Variants in DAAM2 observed in about 807,000 individuals in gnomAD.
DAAM2 encodes the protein disheveled-associated activator of morphogenesis 2.
DAAM2 carries 39 observed loss-of-function variants against 120.7 expected under a neutral mutation model. That is an observed-to-expected ratio of 0.32 (90% CI 0.25 to 0.42). DAAM2 has a LOEUF of 0.42. DAAM2 is among the 10% of genes least tolerant of loss of function. DAAM2 has a pLI of 1.00. For synonymous variants in DAAM2, 488 were observed against 524.9 expected (o/e 0.93, Z 0.96); for missense variants, 1,283 against 1,401.7 (o/e 0.92, Z 1.35).
chr6:39,865,113 T>G, intron 5 of DAAM2, 39 bp downstream of exon 5: 4 of 1,249,342 alleles, frequency 3.2e-6, no homozygotes, highest in Non-Finnish European at 4.6e-6. Context: ...GCTGAGTCCC[T>G]TCACAGTTGG....
At chr6:39,879,611 G>A (rs781215123) in intron 14 of DAAM2, 134 bp downstream of exon 14, 120 of 1,215,390 alleles carry the variant, frequency 9.9e-5, no homozygotes, top group Non-Finnish European at 1.3e-4. Context: ...CAGTCATGTG[G>A]ATGTACAAAG....
At chr6:39,809,145 A>G (rs1048608023) in intron 1 of DAAM2, among the ~76,000 whole-genome samples, 2 of 152,214 alleles carry the variant, frequency 1.3e-5, no homozygotes, top group African/African-American at 4.8e-5. Flanking sequence ...TGTGAGAGCA[A>G]GGAGTGGTGT....
chr6:39,871,651 C>T lies in DAAM2; in HGVS notation c.1044+79C>T, dbSNP rs139841850. ...GCCCCACAGCCACTTTTCTAGACCC[C>T]GTGTTGTGGCAGGGCTGGTGTGGGC... is the stretch of plus-strand genomic sequence containing the variant. On this transcript the variant is annotated intron_variant, in intron 9 of 24. Coordinates refer to ENST00000274867, the MANE Select transcript of DAAM2 (RefSeq NM_001201427.2). 1.9e-3 allele frequency: 2,544 copies of T among 1,337,426 alleles called. 33 individuals carry two copies. In the African/African-American group the frequency reaches 0.03, roughly 16 times the overall value. 82.8% of individuals were successfully genotyped at this position (1,337,426 alleles called of 1,614,324 possible). A position where few individuals can be genotyped will look rare whatever the true frequency, so the allele number is the denominator to read the frequency against.
At chr6:39,824,459 G>T (rs1762598305) in intron 1 of DAAM2, among the ~76,000 whole-genome samples, 1 of 152,172 alleles carries the variant, frequency 6.6e-6, no homozygotes, top group Non-Finnish European at 1.5e-5. Context: ...TGTTTGTTTT[G>T]ACATCCCCTG....
At chr6:39,815,419 G>A (rs776319092) in intron 1 of DAAM2, among the ~76,000 whole-genome samples, 1 of 152,088 alleles carries the variant, frequency 6.6e-6, no homozygotes, top group Non-Finnish European at 1.5e-5. Context: ...CTGAGCAAGT[G>A]GCATAAATTC....
chr6:39,874,475 G>A (rs1354261132), intron 10 of DAAM2, among the ~76,000 whole-genome samples: 1 of 152,176 alleles, frequency 6.6e-6, no homozygotes, highest in Non-Finnish European at 1.5e-5. Flanking sequence ...CTGACTTCTT[G>A]TGCTCCCAGG....
intron 1 of DAAM2, among the ~76,000 whole-genome samples, chr6:39,800,941 C>T (rs1404872951): frequency 6.6e-6 from 1 of 152,196 alleles, no homozygotes; most frequent in Non-Finnish European, 1.5e-5. Flanking sequence ...ATCCCAGAGT[C>T]TGCATCCCAA....
At chr6:39,852,676 G>A (rs1004407357) in intron 1 of DAAM2, among the ~76,000 whole-genome samples, 14 of 152,192 alleles carry the variant, frequency 9.2e-5, no homozygotes, top group African/African-American at 3.4e-4. Flanking sequence ...GAAACCCAGC[G>A]AGGAAGACCC....
chr6:39,898,933 A>C lies in DAAM2; in HGVS notation c.2675A>C (p.Glu892Ala). The change falls in exon 22 of 25, where the codon GAG (glutamate) becomes GCG (alanine). Residue 892 changes from glutamate (E) to alanine (A), a missense_variant. Physicochemically the swap from Glu to Ala is moderately radical, Grantham distance 107. Around this residue, in one of 3 missense-constraint regions of DAAM2, gnomAD observed 748 missense variants for 768.6 expected, o/e 0.97. Transcript: ENST00000274867. Reference protein sequence around the residue: ...GNLRRGLRAVEVELEYQRRQV... With the variant: ...GNLRRGLRAVAVELEYQRRQV... ...CTCAGGAGGGGCCTGAGAGCGGTGGAGGTGGTGAGTACCTTGTCAGTGCCT... is the reference window on the plus strand; with the variant it reads ...CTCAGGAGGGGCCTGAGAGCGGTGGCGGTGGTGAGTACCTTGTCAGTGCCT... 3.1e-6 allele frequency: 5 copies of C among 1,610,846 alleles called. No individual in the cohort carries two copies. The highest frequency in any genetic ancestry group is 3.4e-6 in the Non-Finnish European group (4 of 1,178,618).
rs892246460 is a variant in DAAM2, at chr6:39,904,061, AC to A, written c.*2029del. The A allele has an allele frequency of 2.6e-6, 1 of 387,548 alleles. No individual in the cohort carries two copies. Among genetic ancestry groups the A allele is most frequent in the Non-Finnish European group, 5.1e-6 (1 of 197,466 alleles). The allele number at this position is 387,548 out of a possible 1,614,324, so 24.0% of individuals were successfully genotyped here. ...AACTGACCAGGCTGATGTCAACCTAACCCCCTCAGGGGCAGGGAACAGGGGA... is the reference window on the plus strand; with the variant it reads ...AACTGACCAGGCTGATGTCAACCTAACCCCTCAGGGGCAGGGAACAGGGGA... On this transcript the variant is annotated 3_prime_UTR_variant, in exon 25 of 25. Transcript: ENST00000274867.
At chr6:39,893,930 C>T (rs979951291) in intron 19 of DAAM2, among the ~76,000 whole-genome samples, 1 of 152,194 alleles carries the variant, frequency 6.6e-6, no homozygotes, top group African/African-American at 2.4e-5. Context: ...CTATCCCCAG[C>T]AGGGGCTCTG....
intron 1 of DAAM2, among the ~76,000 whole-genome samples, chr6:39,807,620 G>C (rs1762046508): frequency 6.6e-6 from 1 of 152,138 alleles, no homozygotes; most frequent in African/African-American, 2.4e-5. Flanking sequence ...GGGTTCAAGT[G>C]ATTCTCCCAC....
intron 1 of DAAM2, among the ~76,000 whole-genome samples, chr6:39,797,992 A>G (rs990770675): frequency 5.3e-5 from 8 of 152,202 alleles, no homozygotes; most frequent in Non-Finnish European, 7.4e-5. Flanking sequence ...TGCTTTGCCT[A>G]TGGCTGCTTT....
chr6:39,836,440 G>A (rs535515338), intron 1 of DAAM2, among the ~76,000 whole-genome samples: 14 of 152,248 alleles, frequency 9.2e-5, no homozygotes, highest in East Asian at 1.9e-4. Flanking sequence ...CAAGAAAAAC[G>A]CGAGGTCATT....
intron 1 of DAAM2, among the ~76,000 whole-genome samples, chr6:39,817,230 C>T (rs1762335934): frequency 6.6e-6 from 1 of 152,168 alleles, no homozygotes; most frequent in South Asian, 2.1e-4. Flanking sequence ...GGATCAAAAT[C>T]CTTTTATGAT....
intron 1 of DAAM2, among the ~76,000 whole-genome samples, chr6:39,806,753 A>C (rs563513934): frequency 4.6e-5 from 7 of 151,822 alleles, no homozygotes; most frequent in Non-Finnish European, 1.0e-4. Flanking sequence ...TCATAAACAT[A>C]TGAAAAGATG....
chr6:39,866,555 C>T (rs1445467661), intron 5 of DAAM2, among the ~76,000 whole-genome samples: 1 of 152,096 alleles, frequency 6.6e-6, no homozygotes, highest in Non-Finnish European at 1.5e-5. Context: ...GGACATCCGG[C>T]GCCTAGGTGA....
intron 1 of DAAM2, among the ~76,000 whole-genome samples, chr6:39,848,169 T>C (rs1251786527): frequency 6.6e-6 from 1 of 152,144 alleles, no homozygotes; most frequent in Admixed American, 6.5e-5. Context: ...CTGGTGAATG[T>C]TCCAGATCCT....
intron 1 of DAAM2, among the ~76,000 whole-genome samples, chr6:39,849,927 G>C (rs566122050): frequency 6.6e-6 from 1 of 152,182 alleles, no homozygotes; most frequent in Admixed American, 6.5e-5. Context: ...CACGTGGCAC[G>C]TGGAGGGTCA....
Sources: allele counts gnomAD v4.1 joint callset (sites outside exome capture counted in the v4.1 genomes callset), GRCh38; gene constraint gnomAD v4.1.1; regional missense constraint gnomAD v4.1.1; transcripts MANE v1.5; gene names NCBI Gene and HGNC (gene_info 2026-07-23, HGNC 2026-07-21).